Variants in ADIPOQ observed in about 807,000 individuals in gnomAD.
ADIPOQ encodes adiponectin, C1Q and collagen domain containing, also known as adiponectin.
ADIPOQ carries 19 observed loss-of-function variants against 16.1 expected under a neutral mutation model. That is an observed-to-expected ratio of 1.18 (90% CI 0.82 to 1.73). The LOEUF is 1.73. Among genes scored for constraint, ADIPOQ ranks in the 40% most tolerant of loss-of-function variants. ADIPOQ has a pLI of 0.00. For synonymous variants in ADIPOQ, 124 were observed against 125.5 expected (o/e 0.99, Z 0.08); for missense variants, 323 against 308.3 (o/e 1.05, Z -0.36).
chr3:186,843,788 G>A (rs541815984), intron 1 of ADIPOQ, among the ~76,000 whole-genome samples: 1 of 152,250 alleles, frequency 6.6e-6, no homozygotes. Context: ...AGAAGAAACT[G>A]GATCTACCTG....
intron 1 of ADIPOQ, among the ~76,000 whole-genome samples, chr3:186,846,515 T>A (rs1711586607): frequency 6.6e-6 from 1 of 152,046 alleles, no homozygotes; most frequent in South Asian, 2.1e-4. Flanking sequence ...ATGACAGGTG[T>A]GAGCTACCGT....
chr3:186,847,725 A>G (rs1414919026), intron 1 of ADIPOQ, among the ~76,000 whole-genome samples: 1 of 152,220 alleles, frequency 6.6e-6, no homozygotes, highest in East Asian at 1.9e-4. Context: ...CTAAGCCCAC[A>G]GGGACACAAC....
intron 1 of ADIPOQ, 76 bp from the exon 2 acceptor site, chr3:186,852,975 G>A (rs1711833492): frequency 2.7e-6 from 4 of 1,498,568 alleles, no homozygotes; most frequent in East Asian, 2.3e-5. Context: ...GATGGACGGA[G>A]TCCTTTGTAG....
intron 1 of ADIPOQ, among the ~76,000 whole-genome samples, chr3:186,848,594 A>G (rs908065423): frequency 8.5e-5 from 13 of 152,136 alleles, no homozygotes; most frequent in African/African-American, 1.4e-4. Flanking sequence ...GAACGCTGAC[A>G]TGGGTGAGGG....
intron 1 of ADIPOQ, chr3:186,852,593 C>G: frequency 5.6e-6 from 1 of 178,680 alleles, no homozygotes; most frequent in Non-Finnish European, 1.2e-5. Context: ...GAGGAATAGA[C>G]ACAGAAAATG....
chr3:186,847,516 G>A (rs1182061573), intron 1 of ADIPOQ, among the ~76,000 whole-genome samples: 1 of 152,114 alleles, frequency 6.6e-6, no homozygotes, highest in African/African-American at 2.4e-5. Context: ...TGAATCAGAA[G>A]GTCTGCCTGG....
Position 186,854,288 on chromosome 3 carries a change from G to T in ADIPOQ, c.319G>T (p.Gly107Cys). 6.2e-7 allele frequency: 1 copy of T among 1,614,120 alleles called. No homozygotes were observed. Among genetic ancestry groups the T allele is most frequent in the South Asian group, 1.1e-5 (1 of 91,088 alleles). ...AGGCAGGAAAGGAGAACCTGGAGAA[G>T]GTGCCTATGTATACCGCTCAGCATT... ...IQGRKGEPGE[G>C]AYVYRSAFSV... Residue 107 changes from glycine to cysteine, a missense_variant, in exon 3 of 3, where the codon GGT becomes TGT. By Grantham distance (159) the Gly-to-Cys change is radical. Coordinates refer to ENST00000320741, the MANE Select transcript of ADIPOQ (RefSeq NM_004797.4).
Position 186,854,174 on chromosome 3 carries a change from C to G in ADIPOQ, c.215-10C>G. On this transcript the variant is annotated splice_polypyrimidine_tract_variant and intron_variant, in intron 2 of 2. Coordinates refer to ENST00000320741, the MANE Select transcript of ADIPOQ (RefSeq NM_004797.4). ...TTCTTTGTAGTCACTGAGGTCTTCT[C>G]ATTCCTTAGGTCTTATTGGTCCTAA... 6.2e-7 allele frequency: 1 copy of G among 1,611,744 alleles called. No homozygotes were observed. The highest frequency in any genetic ancestry group is 8.5e-7 in the Non-Finnish European group (1 of 1,178,648).
chr3:186,856,178 C>T lies in ADIPOQ; in HGVS notation c.*1474C>T, dbSNP rs536960486. On this transcript the variant is annotated 3_prime_UTR_variant, in exon 3 of 3. Coordinates refer to ENST00000320741, the MANE Select transcript of ADIPOQ (RefSeq NM_004797.4). ...TTGTCTCCTTGAGTACCAACAGGGT[C>T]AGGGAAGACTGGGCCTCCTGAATTT... The T allele has an allele frequency of 6.6e-6, 1 of 152,130 alleles. No homozygotes were observed. The highest frequency in any genetic ancestry group is 1.5e-5 in the Non-Finnish European group (1 of 68,030). 9.4% of individuals were successfully genotyped at this position (152,130 alleles called of 1,614,324 possible). A position where few individuals can be genotyped will look rare whatever the true frequency, so the allele number is the denominator to read the frequency against.
intron 1 of ADIPOQ, among the ~76,000 whole-genome samples, chr3:186,850,974 G>T (rs550809088): frequency 1.8e-4 from 28 of 151,940 alleles, no homozygotes; most frequent in Non-Finnish European, 3.2e-4. Context: ...GATGAAAGAT[G>T]AGTTGGATGT....
Position 186,854,781 on chromosome 3 carries a change from T to G in ADIPOQ, c.*77T>G. The G allele has an allele frequency of 1.3e-6, 2 of 1,555,254 alleles. No individual in the cohort carries two copies. Among genetic ancestry groups the G allele is most frequent in the South Asian group, 2.2e-5 (2 of 88,988 alleles). ...AAGGCTTTCAGTACGGTTAGGAAGTTGATTATTATTTAGTTGGAGGCCTTT... is the reference window on the plus strand; with the variant it reads ...AAGGCTTTCAGTACGGTTAGGAAGTGGATTATTATTTAGTTGGAGGCCTTT... On this transcript the variant is annotated 3_prime_UTR_variant, in exon 3 of 3. Coordinates refer to ENST00000320741, the MANE Select transcript of ADIPOQ (RefSeq NM_004797.4).
chr3:186,853,255 G>A lies in ADIPOQ; in HGVS notation c.197G>A (p.Gly66Asp). 6.2e-7 allele frequency: 1 copy of A among 1,606,760 alleles called. No homozygotes were observed. Among genetic ancestry groups the A allele is most frequent in the Non-Finnish European group, 8.5e-7 (1 of 1,176,464 alleles). Residue 66 changes from glycine to aspartate, a missense_variant, in exon 2 of 3, where the codon GGT becomes GAT. Coordinates refer to ENST00000320741, the MANE Select transcript of ADIPOQ (RefSeq NM_004797.4). ...AGAGATGGCACCCCTGGTGAGAAGG[G>A]TGAGAAAGGAGATCCAGGTAAGAAT... The part of the protein sequence containing the change: ...DGRDGTPGEK[G>D]EKGDPGLIGP...
intron 1 of ADIPOQ, among the ~76,000 whole-genome samples, chr3:186,844,035 C>T (rs1055852716): frequency 2.0e-5 from 3 of 152,174 alleles, no homozygotes; most frequent in Non-Finnish European, 4.4e-5. Context: ...AAGGCCAGCT[C>T]TGCCTAATTC....
At position 186,845,971 on chromosome 3, in the gene ADIPOQ, G is replaced by T. The variant is rs377372534; in HGVS notation, c.-9+3222G>T. ...CGGAGGCACCGTGATGTGATGGAAG[G>T]CTCACTCGTTAGGAAGTCAGAACAG... On this transcript the variant is annotated intron_variant, in intron 1 of 2. Transcript: ENST00000320741. 1.2e-4 allele frequency among the ~76,000 whole-genome samples: 19 copies of T among 152,260 alleles called. No individual in the cohort carries two copies. The East Asian group carries it at 1.9e-3, about 15-fold the overall frequency.
intron 1 of ADIPOQ, among the ~76,000 whole-genome samples, chr3:186,849,212 T>C (rs1422788952): frequency 6.6e-6 from 1 of 152,222 alleles, no homozygotes; most frequent in Non-Finnish European, 1.5e-5. Context: ...TCTCTCCTCC[T>C]GTTTCCCAGC....
chr3:186,854,291 G>T lies in ADIPOQ; in HGVS notation c.322G>T (p.Ala108Ser). 1.9e-6 allele frequency: 3 copies of T among 1,614,198 alleles called. No homozygotes were observed. Among genetic ancestry groups the T allele is most frequent in the South Asian group, 1.1e-5 (1 of 91,072 alleles). ...QGRKGEPGEGAYVYRSAFSVG... is the reference protein window; with the variant it reads ...QGRKGEPGEGSYVYRSAFSVG... ...CAGGAAAGGAGAACCTGGAGAAGGTGCCTATGTATACCGCTCAGCATTCAG... is the reference window on the plus strand; with the variant it reads ...CAGGAAAGGAGAACCTGGAGAAGGTTCCTATGTATACCGCTCAGCATTCAG... The change falls in exon 3 of 3, where the codon GCC becomes TCC. Residue 108 changes from alanine (A) to serine (S), a missense_variant. Coordinates refer to ENST00000320741, the MANE Select transcript of ADIPOQ (RefSeq NM_004797.4).
chr3:186,850,090 G>A (rs769735277), intron 1 of ADIPOQ, among the ~76,000 whole-genome samples: 1 of 152,166 alleles, frequency 6.6e-6, no homozygotes, highest in East Asian at 1.9e-4. Flanking sequence ...CCAACATGGT[G>A]AAACCCCGTC....
chr3:186,853,814 G>A (rs1407269346), intron 2 of ADIPOQ: 2 of 243,368 alleles, frequency 8.2e-6, no homozygotes, highest in African/African-American at 4.5e-5. Context: ...TCAAGGAGGA[G>A]GCAGAGCTTC....
rs754228738 is a variant in ADIPOQ, at chr3:186,854,643, A to C, written c.674A>C (p.Tyr225Ser). The C allele has an allele frequency of 6.2e-7, 1 of 1,614,166 alleles. No individual in the cohort carries two copies. The highest frequency in any genetic ancestry group is 8.5e-7 in the Non-Finnish European group (1 of 1,180,030). ...GGGGAAGGAGAGCGTAATGGACTCT[A>C]TGCTGATAATGACAATGACTCCACC... ...VYGEGERNGL[Y>S]ADNDNDSTFT... Residue 225 changes from tyrosine to serine, a missense_variant, in exon 3 of 3, where the codon TAT (tyrosine) becomes TCT (serine). Transcript: ENST00000320741.
Sources: allele counts gnomAD v4.1 joint callset (sites outside exome capture counted in the v4.1 genomes callset), GRCh38; gene constraint gnomAD v4.1.1; transcripts MANE v1.5; gene names NCBI Gene and HGNC (gene_info 2026-07-23, HGNC 2026-07-21).